Variants in EPHA3 observed in about 807,000 individuals in gnomAD.
EPHA3 encodes EPH receptor A3.
In EPHA3, 42 loss-of-function variants were observed where a neutral mutation model predicts 107.1. That is an observed-to-expected ratio of 0.39 (90% confidence interval 0.31 to 0.51). The LOEUF is 0.51. EPHA3 is among the 20% of genes least tolerant of loss of function. EPHA3 has a pLI of 0.78. For synonymous variants in EPHA3, 461 were observed against 424.8 expected, an observed-to-expected ratio of 1.09 and a Z score of -1.05; for missense variants, 1,183 against 1,211.2, an observed-to-expected ratio of 0.98 and a Z score of 0.35.
At chr3:89,415,907 T>C (rs1709237721) in intron 10 of EPHA3, among the ~76,000 whole-genome samples, 1 of 151,518 alleles carries the variant, frequency 6.6e-6, no homozygotes, top group Non-Finnish European at 1.5e-5. Flanking sequence ...ATTTGAATCT[T>C]ATACTTTCCA....
rs146897029 is a variant in EPHA3 at position 89,362,261 on chromosome 3, C to T, written c.1306+20171C>T. ...ATGAACCATGAAAAAGAAGGAAAGT[C>T]ATTTCTTGTGATTCAGGCAGGAACT... On this transcript the variant is annotated intron_variant, in intron 5 of 16. Transcript: ENST00000336596. 7.8e-4 allele frequency among the ~76,000 whole-genome samples: 118 copies of T among 151,210 alleles called. 1 individual carries two copies. The highest frequency in any genetic ancestry group is 2.6e-3 in the African/African-American group (108 of 41,444).
intron 3 of EPHA3, among the ~76,000 whole-genome samples, chr3:89,245,338 A>G (rs542927875): frequency 4.6e-5 from 7 of 152,302 alleles, no homozygotes; most frequent in African/African-American, 1.7e-4. Flanking sequence ...AAATAGTAAG[A>G]TATATCAGTG....
In EPHA3 at chr3:89,195,907, C is replaced by T. The variant is rs182380870; in HGVS notation, c.154-13953C>T. The stretch of plus-strand genomic sequence containing the variant: ...TTCCAAACCATCTACATGGTCATTC[C>T]CCACTGTTCTAATTTTCTACTATTG... On this transcript the variant is annotated intron_variant, in intron 2 of 16. Transcript: ENST00000336596. 6.7e-4 allele frequency among the ~76,000 whole-genome samples: 102 copies of T among 152,170 alleles called. 1 individual carries two copies. The highest frequency in any genetic ancestry group is 2.3e-3 in the African/African-American group (95 of 41,532).
chr3:89,474,148 A>G (rs144781373), intron 16 of EPHA3, among the ~76,000 whole-genome samples: 7 of 152,204 alleles, frequency 4.6e-5, no homozygotes, highest in African/African-American at 1.4e-4. Flanking sequence ...TAAGTGCCCA[A>G]CAAACAAATA....
chr3:89,472,733 C>G, intron 16 of EPHA3, 114 bp downstream of exon 16: 1 of 1,214,656 alleles, frequency 8.2e-7, no homozygotes, highest in Non-Finnish European at 1.1e-6. Flanking sequence ...AGTGGTAGAT[C>G]TGAGGTACTG....
chr3:89,175,858 C>T (rs1286232406), intron 2 of EPHA3, among the ~76,000 whole-genome samples: 1 of 152,144 alleles, frequency 6.6e-6, no homozygotes, highest in East Asian at 1.9e-4. Flanking sequence ...AGGGCAAAAA[C>T]ATCCTATTCT....
At chr3:89,388,094 A>T (rs76320067) in intron 5 of EPHA3, among the ~76,000 whole-genome samples, 2,436 of 152,338 alleles carry the variant, frequency 0.016, 67 homozygotes, top group African/African-American at 0.055. Context: ...TACTATAGAA[A>T]TTGAATAACA....
intron 3 of EPHA3, among the ~76,000 whole-genome samples, chr3:89,230,676 G>A (rs372073242): frequency 1.3e-5 from 2 of 151,902 alleles, no homozygotes; most frequent in Non-Finnish European, 2.9e-5. Flanking sequence ...TTTGATCAAG[G>A]TGCTATTTTT....
intron 2 of EPHA3, among the ~76,000 whole-genome samples, chr3:89,204,728 A>G (rs1706059915): frequency 6.6e-6 from 1 of 152,022 alleles, no homozygotes; most frequent in Non-Finnish European, 1.5e-5. Context: ...GTGACACTTG[A>G]CAGTGACAGC....
chr3:89,139,747 G>A (rs1704388482), intron 2 of EPHA3, among the ~76,000 whole-genome samples: 1 of 151,682 alleles, frequency 6.6e-6, no homozygotes, highest in Non-Finnish European at 1.5e-5. Context: ...ACTTGATGAA[G>A]GTCACGTCAT....
At chr3:89,232,410 G>C (rs1226550228) in intron 3 of EPHA3, among the ~76,000 whole-genome samples, 6 of 152,086 alleles carry the variant, frequency 3.9e-5, no homozygotes, top group Non-Finnish European at 8.8e-5. Flanking sequence ...AACAAACTGG[G>C]TGGGAAAGGA....
chr3:89,241,021 AT>A (rs1013076833), intron 3 of EPHA3, among the ~76,000 whole-genome samples: 57 of 150,936 alleles, frequency 3.8e-4, no homozygotes, highest in East Asian at 1.2e-3. Context: ...TTTTAAAAAA[AT>A]TTTTTTTTTC....
chr3:89,239,991 C>T (rs1483105568), intron 3 of EPHA3, among the ~76,000 whole-genome samples: 1 of 152,082 alleles, frequency 6.6e-6, no homozygotes, highest in Non-Finnish European at 1.5e-5. Flanking sequence ...CCATCTGATC[C>T]TCTGGAATAG....
chr3:89,287,945 T>G (rs1008820135), intron 3 of EPHA3, among the ~76,000 whole-genome samples: 3 of 152,140 alleles, frequency 2.0e-5, no homozygotes, highest in Non-Finnish European at 4.4e-5. Context: ...AAAATATGTC[T>G]GTATGTGTTA....
chr3:89,306,864 G>C lies in EPHA3; in HGVS notation c.815-34052G>C, dbSNP rs1706636671. 2.6e-5 allele frequency among the ~76,000 whole-genome samples: 4 copies of C among 152,252 alleles called. No homozygotes were observed. The South Asian group carries it at 8.3e-4, about 32-fold the overall frequency. ...ACTATGAAGTTGGTCCTTCGAATTG[G>C]ATATAATTCTTTGTAGATGAAGCAC... On this transcript the variant is annotated intron_variant, in intron 3 of 16. Transcript: ENST00000336596.
chr3:89,212,096 G>A (rs7633559), intron 3 of EPHA3, among the ~76,000 whole-genome samples: 114,679 of 151,634 alleles, frequency 0.76, 44,147 homozygotes, highest in Admixed American at 0.84. Context: ...GATAAGGAGT[G>A]GTATAAAAAT....
At chr3:89,259,223 T>C (rs1705359544) in intron 3 of EPHA3, among the ~76,000 whole-genome samples, 1 of 152,166 alleles carries the variant, frequency 6.6e-6, no homozygotes, top group Admixed American at 6.5e-5. Flanking sequence ...GCTCACCAGT[T>C]CTTCTTCACC....
chr3:89,154,826 AAC>A (rs1451548806), intron 2 of EPHA3, among the ~76,000 whole-genome samples: 1 of 149,742 alleles, frequency 6.7e-6, no homozygotes, highest in Non-Finnish European at 1.5e-5. Flanking sequence ...AGACAAATGT[AAC>A]ACACAGCCAA....
chr3:89,288,745 A>T (rs1251587148), intron 3 of EPHA3, among the ~76,000 whole-genome samples: 3 of 152,164 alleles, frequency 2.0e-5, no homozygotes, highest in African/African-American at 2.4e-5. Flanking sequence ...TGCATAAATG[A>T]TATTGCATTT....
Sources: gnomAD v4.1 joint callset for allele counts (sites outside exome capture counted in the v4.1 genomes callset) on GRCh38, gnomAD v4.1.1 for gene constraint, MANE v1.5 for transcripts, NCBI Gene and HGNC (gene_info 2026-07-23, HGNC 2026-07-21) for gene names.